Variants in EHBP1 observed in about 807,000 individuals in gnomAD.
EHBP1 encodes the protein EH domain-binding protein 1.
A neutral mutation model predicts 144.0 loss-of-function variants in EHBP1; 55 were observed. That is an observed-to-expected ratio of 0.38 (90% confidence interval 0.31 to 0.48). The LOEUF (loss-of-function observed/expected upper bound fraction) is 0.48, where lower values mean the gene tolerates loss of function less well. EHBP1 is among the 20% of genes least tolerant of loss of function. EHBP1 has a pLI of 0.98. For missense variants in EHBP1, 1,200 were observed against 1,364.2 expected (o/e 0.88, Z 1.90); for synonymous variants, 469 against 472.7 (o/e 0.99, Z 0.10).
intron 6 of EHBP1, among the ~76,000 whole-genome samples, chr2:62,829,968 G>A (rs59356086): frequency 1.3e-3 from 190 of 150,982 alleles, no homozygotes; most frequent in African/African-American, 4.4e-3. Context: ...ACTACCGTCT[G>A]ATCCAGGAAT....
rs551593878 is a variant in EHBP1, at chr2:62,924,397, A to G, written c.1186-18321A>G. ...GCAGAGATAAATGAAATTGAGACTGAAAAAATACAGAAGTTCAATGAAACA... is the reference window on the plus strand; with the variant it reads ...GCAGAGATAAATGAAATTGAGACTGGAAAAATACAGAAGTTCAATGAAACA... On this transcript the variant is annotated intron_variant, in intron 10 of 22. Transcript: ENST00000431489. 1.1e-4 allele frequency among the ~76,000 whole-genome samples: 17 copies of G among 152,358 alleles called. No individual in the cohort carries two copies. In the South Asian group the frequency reaches 3.3e-3, roughly 30 times the overall value.
chr2:62,914,693 A>G (rs1485416100), intron 10 of EHBP1, among the ~76,000 whole-genome samples: 1 of 152,062 alleles, frequency 6.6e-6, no homozygotes, highest in Non-Finnish European at 1.5e-5. Flanking sequence ...AATTAAAAAT[A>G]TTAAGTTGGT....
chr2:62,702,973 G>A (rs1034996029), upstream of EHBP1, among the ~76,000 whole-genome samples: 7 of 152,072 alleles, frequency 4.6e-5, 1 homozygote, highest in Admixed American at 2.6e-4. Context: ...TGTACACACC[G>A]AACATGTTCC....
intron 14 of EHBP1, among the ~76,000 whole-genome samples, chr2:62,968,207 A>G (rs1231133617): frequency 6.6e-6 from 1 of 152,188 alleles, no homozygotes; most frequent in Admixed American, 6.5e-5. Flanking sequence ...TACTACTAGC[A>G]TAGAACTATG....
At chr2:62,713,387 A>G (rs1188618934) in intron 2 of EHBP1, among the ~76,000 whole-genome samples, 1 of 151,686 alleles carries the variant, frequency 6.6e-6, no homozygotes, top group Non-Finnish European at 1.5e-5. Flanking sequence ...GATTACCGGC[A>G]TGTACCACCA....
chr2:62,814,077 G>A (rs966200159), intron 5 of EHBP1, among the ~76,000 whole-genome samples: 2 of 152,208 alleles, frequency 1.3e-5, no homozygotes, highest in East Asian at 3.8e-4. Flanking sequence ...TGGGGGCTGT[G>A]GTGGAATGCT....
At chr2:62,929,458 T>A (rs1168050758) in intron 10 of EHBP1, among the ~76,000 whole-genome samples, 3 of 152,094 alleles carry the variant, frequency 2.0e-5, no homozygotes, top group Non-Finnish European at 4.4e-5. Context: ...ATTAGCAGAA[T>A]GAAGGAGATA....
chr2:62,944,341 G>A (rs1237175968), intron 12 of EHBP1, among the ~76,000 whole-genome samples: 2 of 152,172 alleles, frequency 1.3e-5, no homozygotes, highest in East Asian at 3.9e-4. Context: ...GTCAAAAACA[G>A]ACCACATAGA....
At chr2:62,836,182 C>T (rs2047231697) in intron 7 of EHBP1, among the ~76,000 whole-genome samples, 1 of 152,132 alleles carries the variant, frequency 6.6e-6, no homozygotes, top group Admixed American at 6.5e-5. Context: ...GGGTCCCTGA[C>T]CCCTGACCCC....
intron 2 of EHBP1, among the ~76,000 whole-genome samples, chr2:62,721,636 G>C (rs1017473635): frequency 6.6e-6 from 1 of 152,192 alleles, no homozygotes; most frequent in African/African-American, 2.4e-5. Flanking sequence ...AAATTCATCA[G>C]TAGATTTTGC....
chr2:62,988,840 G>C (rs2059300984), intron 15 of EHBP1, among the ~76,000 whole-genome samples: 1 of 152,078 alleles, frequency 6.6e-6, no homozygotes, highest in East Asian at 1.9e-4. Flanking sequence ...ATCTTTTCCT[G>C]TAAAAAGCTA....
At chr2:62,727,197 C>G (rs543415999) in intron 2 of EHBP1, among the ~76,000 whole-genome samples, 25 of 152,268 alleles carry the variant, frequency 1.6e-4, no homozygotes, top group African/African-American at 5.8e-4. Flanking sequence ...CTTCCCCATC[C>G]TGATTATCCT....
chr2:62,944,772 T>C (rs1296798105), intron 12 of EHBP1, among the ~76,000 whole-genome samples: 6 of 152,190 alleles, frequency 3.9e-5, no homozygotes, highest in Non-Finnish European at 8.8e-5. Flanking sequence ...GGCTGACTTA[T>C]CTGTTTACCC....
At chr2:62,920,788 G>T (rs1160173719) in intron 10 of EHBP1, among the ~76,000 whole-genome samples, 1 of 151,882 alleles carries the variant, frequency 6.6e-6, no homozygotes. Flanking sequence ...TCAGCCTTCC[G>T]AGTAGCTGCG....
intron 5 of EHBP1, among the ~76,000 whole-genome samples, chr2:62,805,184 T>A (rs898379293): frequency 1.3e-5 from 2 of 152,192 alleles, no homozygotes; most frequent in Admixed American, 6.5e-5. Context: ...TTATCACTTA[T>A]GAAAAATTGA....
intron 1 of EHBP1, among the ~76,000 whole-genome samples, chr2:62,674,477 T>C (rs1456934778): frequency 6.6e-6 from 1 of 152,238 alleles, no homozygotes; most frequent in Non-Finnish European, 1.5e-5. Context: ...TTTCTATTCC[T>C]GCTTTTTAAT....
At chr2:63,007,035 C>T (rs2060066779) in intron 19 of EHBP1, among the ~76,000 whole-genome samples, 1 of 151,706 alleles carries the variant, frequency 6.6e-6, no homozygotes, top group Non-Finnish European at 1.5e-5. Context: ...CTTTCAGAAA[C>T]GTATTGCTAA....
chr2:62,828,025 C>T (rs2046470598), intron 6 of EHBP1, among the ~76,000 whole-genome samples: 1 of 152,154 alleles, frequency 6.6e-6, no homozygotes, highest in Admixed American at 6.5e-5. Flanking sequence ...GATAAGAGAG[C>T]AATTTGTAAG....
rs1260579768 is a variant in EHBP1, at chr2:62,905,478, C to CTA, written c.1185+30948_1185+30949dup. Among the ~76,000 whole-genome samples, 3 of 151,932 alleles carry CTA rather than the reference C, an allele frequency of 2.0e-5. No homozygotes were observed. The East Asian group carries it at 5.8e-4, about 29-fold the overall frequency. On this transcript the variant is annotated intron_variant, in intron 10 of 22. Coordinates refer to ENST00000431489, the MANE Select transcript of EHBP1 (RefSeq NM_001142616.3). The stretch of plus-strand genomic sequence containing the variant: ...CATGTTATTCCAAGGATGCCAGCAT[C>CTA]TATTAAAGAGTATTTTAAGCAGGGA...
Sources: allele counts gnomAD v4.1 joint callset (sites outside exome capture counted in the v4.1 genomes callset), GRCh38; gene constraint gnomAD v4.1.1; transcripts MANE v1.5; gene names NCBI Gene and HGNC (gene_info 2026-07-23, HGNC 2026-07-21).